The following B3GNT2 variants were observed in gnomAD, a reference collection of about 807,000 sequenced individuals.
B3GNT2 encodes the protein UDP-GlcNAc:betaGal beta-1,3-N-acetylglucosaminyltransferase 2, also known as N-acetyllactosaminide beta-1,3-N-acetylglucosaminyltransferase 2.
In B3GNT2, 12 loss-of-function variants were observed where a neutral mutation model predicts 27.6. That is an observed-to-expected ratio of 0.44 (90% confidence interval 0.28 to 0.71). The LOEUF (loss-of-function observed/expected upper bound fraction) is 0.71. B3GNT2 is among the 30% of genes least tolerant of loss of function. The probability of loss-of-function intolerance (pLI) is 0.17; values close to 1 mark genes in which losing one functional copy is unlikely to be tolerated. For missense variants in B3GNT2, 413 were observed against 488.5 expected (o/e 0.85, Z 1.46); for synonymous variants, 192 against 189.7 (o/e 1.01, Z -0.10).
rs559822665 is a variant in B3GNT2 at position 62,197,323 on chromosome 2, G to A, written c.-10+968G>A. 3.3e-5 allele frequency among the ~76,000 whole-genome samples: 5 copies of A among 152,336 alleles called. No individual in the cohort carries two copies. In the South Asian group the frequency reaches 1.0e-3, roughly 32 times the overall value. The stretch of plus-strand genomic sequence containing the variant: ...ATTTGAAACTCGGGGCTGGGGAGCC[G>A]CAGAACTCCCTGTACCCCCATCAAG... On this transcript the variant is annotated intron_variant, in intron 1 of 1. Transcript: ENST00000301998.
At chr2:62,210,481 G>A (rs1183783289) in intron 1 of B3GNT2, among the ~76,000 whole-genome samples, 1 of 151,434 alleles carries the variant, frequency 6.6e-6, no homozygotes, top group Non-Finnish European at 1.5e-5. Flanking sequence ...TAAAAAGGAG[G>A]ACAGTGGCCG....
At chr2:62,212,229 A>G (rs983078773) in intron 1 of B3GNT2, among the ~76,000 whole-genome samples, 1 of 151,394 alleles carries the variant, frequency 6.6e-6, no homozygotes, top group African/African-American at 2.4e-5. Context: ...CTTTTCCTGC[A>G]CTCCTATATT....
At chr2:62,202,587 C>A (rs928355105) in intron 1 of B3GNT2, among the ~76,000 whole-genome samples, 1 of 151,988 alleles carries the variant, frequency 6.6e-6, no homozygotes, top group Non-Finnish European at 1.5e-5. Flanking sequence ...TGGGTGCTGA[C>A]AAGTTATGGC....
intron 1 of B3GNT2, among the ~76,000 whole-genome samples, chr2:62,202,920 C>A (rs983813994): frequency 6.6e-6 from 1 of 152,182 alleles, no homozygotes; most frequent in Non-Finnish European, 1.5e-5. Flanking sequence ...TTTCCTGCCT[C>A]TGGCCTTTGT....
At chr2:62,202,564 G>A (rs945695926) in intron 1 of B3GNT2, among the ~76,000 whole-genome samples, 1 of 152,174 alleles carries the variant, frequency 6.6e-6, no homozygotes, top group Non-Finnish European at 1.5e-5. Context: ...TCAGGGGAGA[G>A]AGAGAGAGGG....
At chr2:62,221,135 T>C (rs1296609189) in intron 1 of B3GNT2, among the ~76,000 whole-genome samples, 1 of 152,232 alleles carries the variant, frequency 6.6e-6, no homozygotes, top group Non-Finnish European at 1.5e-5. Flanking sequence ...ACTTTCAGAT[T>C]TCTAGAACCT....
At chr2:62,206,415 C>T (rs922889505) in intron 1 of B3GNT2, among the ~76,000 whole-genome samples, 5 of 152,204 alleles carry the variant, frequency 3.3e-5, no homozygotes, top group Non-Finnish European at 7.3e-5. Context: ...GGCATATGGA[C>T]AAGCCCTCAC....
At chr2:62,210,504 C>G (rs1674461362) in intron 1 of B3GNT2, among the ~76,000 whole-genome samples, 1 of 152,128 alleles carries the variant, frequency 6.6e-6, no homozygotes. Context: ...TGCGGTGGCT[C>G]AGACCTGTAA....
At chr2:62,212,043 C>A (rs1324695870) in intron 1 of B3GNT2, among the ~76,000 whole-genome samples, 1 of 152,150 alleles carries the variant, frequency 6.6e-6, no homozygotes, top group African/African-American at 2.4e-5. Flanking sequence ...TAACTTGTGC[C>A]AGTTTTTAAG....
At chr2:62,209,624 C>A (rs1674442852) in intron 1 of B3GNT2, among the ~76,000 whole-genome samples, 1 of 152,096 alleles carries the variant, frequency 6.6e-6, no homozygotes, top group African/African-American at 2.4e-5. Context: ...CTTTACCCGC[C>A]CCCACGCCGT....
chr2:62,211,952 A>G (rs938299928), intron 1 of B3GNT2, among the ~76,000 whole-genome samples: 3 of 152,214 alleles, frequency 2.0e-5, no homozygotes, highest in Non-Finnish European at 4.4e-5. Flanking sequence ...CATGTTTTAT[A>G]CCCGCTTTTC....
At chr2:62,202,979 G>C (rs1192472290) in intron 1 of B3GNT2, among the ~76,000 whole-genome samples, 1 of 152,120 alleles carries the variant, frequency 6.6e-6, no homozygotes, top group African/African-American at 2.4e-5. Context: ...TCTCTGAGAG[G>C]AGGTTTTCTC....
chr2:62,204,998 G>A (rs7605321), intron 1 of B3GNT2, among the ~76,000 whole-genome samples: 97,700 of 152,068 alleles, frequency 0.64, 31,704 homozygotes, highest in South Asian at 0.69. Context: ...CCACAGAGTG[G>A]GCAGCCATCA....
rs1674763797 is a variant in B3GNT2 at position 62,223,482 on chromosome 2, TTAGAG to T, written c.*71_*75del. Reference sequence around the variant, plus strand: ...ATAGTTCCCATGTTGTGTTCTCACATTAGAGTAATTTCTATATTAAACCATGAAAA... The same window carrying T: ...ATAGTTCCCATGTTGTGTTCTCACATTAATTTCTATATTAAACCATGAAAA... On this transcript the variant is annotated 3_prime_UTR_variant, in exon 2 of 2. Transcript: ENST00000301998. The T allele has an allele frequency of 7.5e-7, 1 of 1,329,312 alleles. No individual in the cohort carries two copies. 82.3% of individuals were successfully genotyped at this position (1,329,312 alleles called of 1,614,324 possible).
Position 62,223,500 on chromosome 2 carries a change from T to A in B3GNT2, c.*86T>A. The stretch of plus-strand genomic sequence containing the variant: ...TCTCACATTAGAGTAATTTCTATAT[T>A]AAACCATGAAAATTGCCTTTATGAG... On this transcript the variant is annotated 3_prime_UTR_variant, in exon 2 of 2. Coordinates refer to ENST00000301998, the MANE Select transcript of B3GNT2 (RefSeq NM_006577.6). 8.2e-7 allele frequency: 1 copy of A among 1,225,130 alleles called. No individual in the cohort carries two copies. Among genetic ancestry groups the A allele is most frequent in the Non-Finnish European group, 1.1e-6 (1 of 887,380 alleles). 75.9% of individuals were successfully genotyped at this position (1,225,130 alleles called of 1,614,324 possible). A position where few individuals can be genotyped will look rare whatever the true frequency, so the allele number is the denominator to read the frequency against.
chr2:62,211,241 C>T (rs1462147774), intron 1 of B3GNT2, among the ~76,000 whole-genome samples: 1 of 152,138 alleles, frequency 6.6e-6, no homozygotes, highest in Non-Finnish European at 1.5e-5. Flanking sequence ...GTAGTCCCAG[C>T]TACTCAGGAT....
chr2:62,220,651 T>A (rs1674672247), intron 1 of B3GNT2, among the ~76,000 whole-genome samples: 1 of 152,224 alleles, frequency 6.6e-6, no homozygotes, highest in Non-Finnish European at 1.5e-5. Flanking sequence ...TGGCTGGTAT[T>A]CCAGTCTGCC....
intron 1 of B3GNT2, among the ~76,000 whole-genome samples, chr2:62,213,469 A>G (rs915824212): frequency 6.6e-5 from 10 of 152,246 alleles, no homozygotes; most frequent in African/African-American, 1.9e-4. Context: ...ATTTTGGGAT[A>G]AGGGTGCAGG....
At chr2:62,217,615 A>G (rs1661676659) in intron 1 of B3GNT2, among the ~76,000 whole-genome samples, 1 of 152,162 alleles carries the variant, frequency 6.6e-6, no homozygotes, top group Admixed American at 6.5e-5. Context: ...ATGCTGACAC[A>G]GGCTGGGGGT....
Sources: gnomAD v4.1 joint callset for allele counts (sites outside exome capture counted in the v4.1 genomes callset) on GRCh38, gnomAD v4.1.1 for gene constraint, MANE v1.5 for transcripts, NCBI Gene and HGNC (gene_info 2026-07-23, HGNC 2026-07-21) for gene names.